Variants in TMEM132D observed in about 807,000 individuals in gnomAD.
The protein encoded by TMEM132D is mature OL transmembrane protein.
TMEM132D carries 21 observed loss-of-function variants against 62.3 expected under a neutral mutation model. The observed-to-expected ratio is 0.34, with a 90% CI of 0.24 to 0.49. TMEM132D has a LOEUF of 0.49. Ranked by LOEUF, TMEM132D falls within the 20% of genes least tolerant of loss-of-function variation. The pLI, the probability that TMEM132D is intolerant of heterozygous loss-of-function variation, is 0.99. For missense variants in TMEM132D, 1,346 were observed against 1,402.8 expected (o/e 0.96, Z 0.65); for synonymous variants, 621 against 575.6 (o/e 1.08, Z -1.13).
At chr12:129,746,907 T>A (rs1869799982) in intron 1 of TMEM132D, among the ~76,000 whole-genome samples, 1 of 152,082 alleles carries the variant, frequency 6.6e-6, no homozygotes, top group Non-Finnish European at 1.5e-5. Flanking sequence ...CCTCGTCCAA[T>A]TTATCACCCA....
At chr12:129,602,582 T>C (rs570755889) in intron 2 of TMEM132D, among the ~76,000 whole-genome samples, 1 of 152,336 alleles carries the variant, frequency 6.6e-6, no homozygotes, top group African/African-American at 2.4e-5. Flanking sequence ...CCTCTGCTAC[T>C]GATACTAGTC....
intron 1 of TMEM132D, among the ~76,000 whole-genome samples, chr12:129,877,628 C>CAG (rs71085585): frequency 0.013 from 1,940 of 146,796 alleles, 48 homozygotes; most frequent in African/African-American, 0.048. Context: ...CACACACACA[C>CAG]AGAGAGAGAG....
intron 4 of TMEM132D, among the ~76,000 whole-genome samples, chr12:129,258,130 CCG>C (rs1365224714): frequency 6.6e-6 from 1 of 152,188 alleles, no homozygotes; most frequent in African/African-American, 2.4e-5. Context: ...CTAATCCTTT[CCG>C]GCTGGCTGAT....
intron 3 of TMEM132D, among the ~76,000 whole-genome samples, chr12:129,364,488 A>G (rs1052866884): frequency 3.9e-5 from 6 of 152,248 alleles, no homozygotes; most frequent in African/African-American, 1.2e-4. Flanking sequence ...AAGCTTGTAG[A>G]GGGATTTGGG....
Position 129,167,027 on chromosome 12 carries a change from G to T in TMEM132D, c.1443+42493C>A, listed in dbSNP as rs140351474. 1.4e-4 allele frequency among the ~76,000 whole-genome samples: 21 copies of T among 152,046 alleles called. No individual in the cohort carries two copies. In the East Asian group the frequency reaches 3.7e-3, roughly 27 times the overall value. On this transcript the variant is annotated intron_variant, in intron 5 of 8. Coordinates refer to ENST00000422113, the MANE Select transcript of TMEM132D (RefSeq NM_133448.3). ...GAAAATACAAAAATTAGGCATGTTG[G>T]TGCATGCCTGTGGGCCCAGATACTT...
chr12:129,892,052 G>A (rs888200066), intron 1 of TMEM132D, among the ~76,000 whole-genome samples: 4 of 152,122 alleles, frequency 2.6e-5, no homozygotes, highest in African/African-American at 4.8e-5. Context: ...ACAGAACAAG[G>A]ATAGAAAAAT....
intron 4 of TMEM132D, among the ~76,000 whole-genome samples, chr12:129,301,829 C>T (rs1040705808): frequency 6.6e-6 from 1 of 152,150 alleles, no homozygotes; most frequent in Non-Finnish European, 1.5e-5. Context: ...ACACAGGATT[C>T]ACCATCAGCC....
chr12:129,124,563 C>T (rs1253996523), intron 5 of TMEM132D, among the ~76,000 whole-genome samples: 3 of 152,200 alleles, frequency 2.0e-5, no homozygotes, highest in African/African-American at 7.2e-5. Flanking sequence ...ATAGAAGAAA[C>T]TGTGCCACCT....
intron 4 of TMEM132D, among the ~76,000 whole-genome samples, chr12:129,302,152 C>T (rs1881730789): frequency 6.6e-6 from 1 of 152,208 alleles, no homozygotes; most frequent in Non-Finnish European, 1.5e-5. Context: ...GTCTTGCTCT[C>T]TTGCCAGGCT....
At chr12:129,087,444 T>C (rs1402683590) in intron 5 of TMEM132D, among the ~76,000 whole-genome samples, 5 of 150,644 alleles carry the variant, frequency 3.3e-5, no homozygotes, top group Non-Finnish European at 5.9e-5. Context: ...TTGAGATAGA[T>C]AGGGAGAGCA....
At chr12:129,505,406 C>A (rs1593041762) in intron 3 of TMEM132D, among the ~76,000 whole-genome samples, 1 of 152,186 alleles carries the variant, frequency 6.6e-6, no homozygotes, top group African/African-American at 2.4e-5. Context: ...CCATGCCCGG[C>A]TAATTTTTTT....
intron 3 of TMEM132D, among the ~76,000 whole-genome samples, chr12:129,383,169 G>A (rs906837005): frequency 7.2e-5 from 11 of 152,126 alleles, no homozygotes; most frequent in Non-Finnish European, 1.3e-4. Context: ...CACCATCAAC[G>A]GAAGATGTGC....
intron 2 of TMEM132D, among the ~76,000 whole-genome samples, chr12:129,624,975 G>C (rs1351816580): frequency 1.3e-5 from 2 of 152,206 alleles, no homozygotes; most frequent in African/African-American, 4.8e-5. Context: ...ACGTGTGAGC[G>C]TTTCCATTGC....
intron 4 of TMEM132D, among the ~76,000 whole-genome samples, chr12:129,327,232 T>C (rs1316935631): frequency 6.6e-6 from 1 of 152,050 alleles, no homozygotes; most frequent in Non-Finnish European, 1.5e-5. Flanking sequence ...GCCTGTTCCA[T>C]GAAATCCGTA....
At chr12:129,895,661 T>C (rs897838094) in intron 1 of TMEM132D, among the ~76,000 whole-genome samples, 3 of 152,184 alleles carry the variant, frequency 2.0e-5, no homozygotes, top group Non-Finnish European at 4.4e-5. Context: ...CTCCAGGCTA[T>C]TTAGGACAGA....
chr12:129,709,816 A>T lies in TMEM132D; in HGVS notation c.80-9118T>A, dbSNP rs1470936618. On this transcript the variant is annotated intron_variant, in intron 1 of 8. Transcript: ENST00000422113. ...AGCTTATAACACAAAAATGTATATC[A>T]TATTTCATAGAATCTCAGATCCTAT... 2.0e-5 allele frequency among the ~76,000 whole-genome samples: 3 copies of T among 152,364 alleles called. No homozygotes were observed. The East Asian group carries it at 5.8e-4, about 29-fold the overall frequency.
intron 3 of TMEM132D, among the ~76,000 whole-genome samples, chr12:129,502,492 T>A (rs769153387): frequency 1.3e-5 from 2 of 152,098 alleles, no homozygotes; most frequent in African/African-American, 4.8e-5. Context: ...TATTGACTCA[T>A]GTACATGAAA....
rs761911124 is a variant in TMEM132D at position 129,568,337 on chromosome 12, C to T, written c.969-37132G>A. Among the ~76,000 whole-genome samples the T allele has an allele frequency of 2.0e-5, 3 of 152,226 alleles. No homozygotes were observed. In the South Asian group the frequency reaches 6.2e-4, roughly 32 times the overall value. On this transcript the variant is annotated intron_variant, in intron 2 of 8. Transcript: ENST00000422113. ...AACCTGGAGGAGATCCTGTCACCCC[C>T]TGGTCCATAATCCAACGCACTGACA...
rs558727488 is a variant in TMEM132D, at chr12:129,727,063, G to A, written c.80-26365C>T. Among the ~76,000 whole-genome samples, 10 of 152,366 alleles carry A rather than the reference G, an allele frequency of 6.6e-5. No homozygotes were observed. In the South Asian group the frequency reaches 2.1e-3, roughly 32 times the overall value. On this transcript the variant is annotated intron_variant, in intron 1 of 8. Coordinates refer to ENST00000422113, the MANE Select transcript of TMEM132D (RefSeq NM_133448.3). ...AATTCCCAGATGATTCTAAAGCATA[G>A]TTAGGACAGACACCCATGAATTAGA...
Sources: allele counts gnomAD v4.1 joint callset (sites outside exome capture counted in the v4.1 genomes callset), GRCh38; gene constraint gnomAD v4.1.1; transcripts MANE v1.5; gene names NCBI Gene and HGNC (gene_info 2026-07-23, HGNC 2026-07-21).